ANKRD6: variants seen among roughly 807,000 people sequenced by gnomAD.
ANKRD6 encodes ankyrin repeat domain-containing protein 6.
A neutral mutation model predicts 82.3 loss-of-function variants in ANKRD6; 56 were observed. The observed-to-expected ratio is 0.68, with a 90% CI of 0.55 to 0.85. The LOEUF (loss-of-function observed/expected upper bound fraction) is 0.85, where lower values mean the gene tolerates loss of function less well. Among genes scored for constraint, ANKRD6 ranks in the 40% least tolerant of loss-of-function variants. The pLI is 0.00. For missense variants in ANKRD6, 852 were observed against 907.6 expected, an observed-to-expected ratio of 0.94 and a Z score of 0.79; for synonymous variants, 347 against 352.1, an observed-to-expected ratio of 0.99 and a Z score of 0.16.
intron 1 of ANKRD6, among the ~76,000 whole-genome samples, chr6:89,465,396 C>T (rs1480651590): frequency 3.3e-5 from 5 of 151,956 alleles, no homozygotes; most frequent in Non-Finnish European, 7.4e-5. Flanking sequence ...GCAGGGATTA[C>T]AAGTATGAGC....
intron 1 of ANKRD6, among the ~76,000 whole-genome samples, chr6:89,539,411 C>T (rs1784211823): frequency 6.6e-6 from 1 of 151,694 alleles, no homozygotes; most frequent in Non-Finnish European, 1.5e-5. Flanking sequence ...GATTAATAGG[C>T]TAGAAGAAAA....
intron 1 of ANKRD6, among the ~76,000 whole-genome samples, chr6:89,490,651 C>T (rs1460606388): frequency 3.3e-5 from 5 of 152,124 alleles, no homozygotes; most frequent in Non-Finnish European, 5.9e-5. Flanking sequence ...GCACCTGCTC[C>T]GGAGGCCCTG....
intron 1 of ANKRD6, among the ~76,000 whole-genome samples, chr6:89,455,556 G>A (rs1268433611): frequency 6.6e-6 from 1 of 152,148 alleles, no homozygotes; most frequent in Non-Finnish European, 1.5e-5. Flanking sequence ...GGGGCTGGGT[G>A]GGAGGTGATT....
At chr6:89,526,606 C>G (rs1250301709) in intron 1 of ANKRD6, among the ~76,000 whole-genome samples, 2 of 152,140 alleles carry the variant, frequency 1.3e-5, no homozygotes, top group East Asian at 1.9e-4. Context: ...GGCTCCTAAA[C>G]TATGGTATTA....
At chr6:89,559,778 G>A (rs2128047935) in intron 1 of ANKRD6, among the ~76,000 whole-genome samples, 1 of 152,210 alleles carries the variant, frequency 6.6e-6, no homozygotes, top group South Asian at 2.1e-4. Flanking sequence ...CCCAGAAACT[G>A]TAGTCCTCTA....
intron 1 of ANKRD6, among the ~76,000 whole-genome samples, chr6:89,528,615 TC>T (rs1358351588): frequency 1.2e-4 from 19 of 152,358 alleles, no homozygotes; most frequent in African/African-American, 4.3e-4. Flanking sequence ...TCACGAATGT[TC>T]CTAATGGCAT....
intron 2 of ANKRD6, among the ~76,000 whole-genome samples, chr6:89,573,924 C>A (rs1018714149): frequency 3.9e-5 from 6 of 152,170 alleles, no homozygotes; most frequent in Admixed American, 2.6e-4. Flanking sequence ...GAATGGTACC[C>A]TGGATGGAAT....
intron 1 of ANKRD6, among the ~76,000 whole-genome samples, chr6:89,541,684 T>C (rs921323084): frequency 2.6e-5 from 4 of 151,970 alleles, no homozygotes; most frequent in Non-Finnish European, 5.9e-5. Flanking sequence ...AGAATTACTT[T>C]TTAGATTTCT....
intron 9 of ANKRD6, 131 bp downstream of exon 9, chr6:89,618,162 A>G: frequency 1.0e-6 from 1 of 997,950 alleles, no homozygotes; most frequent in African/African-American, 1.6e-5. Context: ...GTGGAGGTAT[A>G]GGCATGCATG....
intron 1 of ANKRD6, among the ~76,000 whole-genome samples, chr6:89,544,154 C>T (rs1042165108): frequency 1.3e-5 from 2 of 152,200 alleles, no homozygotes; most frequent in East Asian, 1.9e-4. Context: ...AAGAGATCCA[C>T]ACTACATGCC....
intron 1 of ANKRD6, among the ~76,000 whole-genome samples, chr6:89,473,760 C>G (rs1775739801): frequency 6.6e-6 from 1 of 152,024 alleles, no homozygotes; most frequent in Non-Finnish European, 1.5e-5. Context: ...GGGTGGATCA[C>G]TTGAGGTCAG....
chr6:89,622,706 GT>G (rs1456470903), intron 10 of ANKRD6, among the ~76,000 whole-genome samples: 2 of 152,202 alleles, frequency 1.3e-5, no homozygotes, highest in Non-Finnish European at 2.9e-5. Context: ...CCTCAGCTAG[GT>G]GCTCTTGTGC....
chr6:89,573,846 G>T (rs1450072170), intron 2 of ANKRD6, among the ~76,000 whole-genome samples: 2 of 152,092 alleles, frequency 1.3e-5, no homozygotes, highest in African/African-American at 4.8e-5. Flanking sequence ...CATCCACTCT[G>T]CCCCTTGAAG....
At chr6:89,544,722 C>A (rs956921702) in intron 1 of ANKRD6, among the ~76,000 whole-genome samples, 1 of 151,474 alleles carries the variant, frequency 6.6e-6, no homozygotes, top group Non-Finnish European at 1.5e-5. Context: ...TCCAAAAAAA[C>A]CCCAAAAAAC....
At chr6:89,447,291 G>T (rs919975991) in intron 1 of ANKRD6, among the ~76,000 whole-genome samples, 7 of 152,108 alleles carry the variant, frequency 4.6e-5, no homozygotes, top group African/African-American at 1.4e-4. Context: ...CTGTACACAG[G>T]AGTGACAAGA....
chr6:89,445,696 G>A (rs1018319308), intron 1 of ANKRD6, among the ~76,000 whole-genome samples: 15 of 151,884 alleles, frequency 9.9e-5, no homozygotes, highest in South Asian at 4.2e-4. Flanking sequence ...TGCCCGCCTC[G>A]GCCTCCCAAA....
chr6:89,461,573 C>T (rs1774146211), intron 1 of ANKRD6, among the ~76,000 whole-genome samples: 3 of 152,122 alleles, frequency 2.0e-5, no homozygotes, highest in Admixed American at 2.0e-4. Context: ...AGTTCACATT[C>T]ACTCATAACA....
intron 3 of ANKRD6, among the ~76,000 whole-genome samples, chr6:89,598,899 T>G (rs1796466780): frequency 6.6e-6 from 1 of 152,186 alleles, no homozygotes; most frequent in African/African-American, 2.4e-5. Context: ...GCATCTGACC[T>G]TTTCTGAGGC....
chr6:89,583,984 G>C (rs1192226146), intron 2 of ANKRD6, among the ~76,000 whole-genome samples: 1 of 152,154 alleles, frequency 6.6e-6, no homozygotes, highest in Non-Finnish European at 1.5e-5. Flanking sequence ...GCATCCTGTT[G>C]CCTTAGCAGA....
Sources: gnomAD v4.1 joint callset for allele counts (sites outside exome capture counted in the v4.1 genomes callset) on GRCh38, gnomAD v4.1.1 for gene constraint, MANE v1.5 for transcripts, NCBI Gene and HGNC (gene_info 2026-07-23, HGNC 2026-07-21) for gene names.